Variants in NF1 observed in about 807,000 individuals in gnomAD.
NF1 encodes neurofibromin.
NF1 carries 122 observed loss-of-function variants against 325.7 expected under a neutral mutation model. That is an observed-to-expected ratio of 0.37 (90% CI 0.32 to 0.44). The LOEUF is 0.44. NF1 is among the 20% of genes least tolerant of loss of function. The probability of loss-of-function intolerance (pLI) is 1.00; values close to 1 mark genes in which losing one functional copy is unlikely to be tolerated. For synonymous variants in NF1, 1,091 were observed against 1,186.0 expected (o/e 0.92, Z 1.65); for missense variants, 2,140 against 3,415.4 (o/e 0.63, Z 9.31).
At chr17:31,318,645 C>G in intron 36 of NF1, 1 of 1,614,062 alleles carries the variant, frequency 6.2e-7, no homozygotes, top group Non-Finnish European at 8.5e-7. Flanking sequence ...CACAGACATC[C>G]TTTTTGAAAA....
chr17:31,314,917 C>A (rs7503922), intron 36 of NF1, among the ~76,000 whole-genome samples: 72,152 of 151,978 alleles, frequency 0.47, 19,879 homozygotes, highest in Non-Finnish European at 0.62. Flanking sequence ...TACATTCCCA[C>A]TAACAGCGTA....
intron 57 of NF1, among the ~76,000 whole-genome samples, chr17:31,370,424 CT>C (rs983662714): frequency 2.0e-5 from 3 of 151,868 alleles, no homozygotes; most frequent in Admixed American, 1.3e-4. Context: ...CTTCCAGTTT[CT>C]TTTTTTTATA....
rs1567864123 is a variant in NF1, at chr17:31,263,098, GGT to G, written c.4724+1242_4724+1243del. ...AGATAGGTAGGTAGGTAGGTAGGTA[GGT>G]AGGTAGGTAGATAGATAGATAGATA... On this transcript the variant is annotated intron_variant, in intron 35 of 57. Transcript: ENST00000358273. 5.4e-3 allele frequency among the ~76,000 whole-genome samples: 517 copies of G among 95,838 alleles called. 4 individuals carry two copies. Among genetic ancestry groups the G allele is most frequent in the African/African-American group, 0.019 (500 of 26,468 alleles). The allele number at this position is 95,838 out of a possible 152,430, so 62.9% of individuals were successfully genotyped here.
intron 36 of NF1, among the ~76,000 whole-genome samples, chr17:31,289,529 T>C (rs978874978): frequency 6.6e-6 from 1 of 152,234 alleles, no homozygotes; most frequent in African/African-American, 2.4e-5. Context: ...ACAGTGTTAG[T>C]TAGCATTTTG....
intron 36 of NF1, among the ~76,000 whole-genome samples, chr17:31,283,310 G>A (rs1428989451): frequency 4.6e-5 from 7 of 151,822 alleles, no homozygotes; most frequent in African/African-American, 9.7e-5. Context: ...CCAGCTACTC[G>A]GGAGGCTGAG....
intron 37 of NF1, among the ~76,000 whole-genome samples, chr17:31,326,823 T>C (rs921862086): frequency 1.3e-5 from 2 of 152,192 alleles, no homozygotes; most frequent in East Asian, 3.9e-4. Context: ...GTGTGGAGAG[T>C]AGAAATTACC....
At chr17:31,206,405 C>T (rs2066624118) in intron 12 of NF1, 34 bp downstream of exon 12, 3 of 1,612,498 alleles carry the variant, frequency 1.9e-6, no homozygotes, top group Non-Finnish European at 1.7e-6. Flanking sequence ...ATCTCACCTC[C>T]TTTCTATTGC....
rs1326607708 is a variant in NF1, at chr17:31,182,642, G to C, written c.865G>C (p.Val289Leu). ...EIIQDISKDV[V>L]DENNMNKKLF... ...AATCCAGGATATATCCAAAGACGTG[G>C]TTGATGAAAACAACATGAATAAGGT... The change falls in exon 8 of 58, where the codon GTT becomes CTT. Residue 289 changes from valine (V) to leucine (L), a missense_variant. Physicochemically the swap from Val to Leu is conservative, Grantham distance 32. This residue lies in a region of NF1 where 246 missense variants were observed against 347.8 expected (regional missense o/e 0.71). Transcript: ENST00000358273. The C allele has an allele frequency of 4.3e-6, 7 of 1,613,550 alleles. No individual in the cohort carries two copies. The highest frequency in any genetic ancestry group is 5.9e-6 in the Non-Finnish European group (7 of 1,179,850).
chr17:31,227,201 CT>C lies in NF1; in HGVS notation c.2252-16del, dbSNP rs1199960719. On this transcript the variant is annotated splice_polypyrimidine_tract_variant and intron_variant, in intron 18 of 57. Transcript: ENST00000358273. ...GCTCTAAGTGCAGTAACTTGATTTG[CT>C]GTTGTATTTGCTTAGGAAGAGCAGC... The C allele has an allele frequency of 5.0e-6, 8 of 1,613,066 alleles. No individual in the cohort carries two copies. The highest frequency in any genetic ancestry group is 6.8e-6 in the Non-Finnish European group (8 of 1,179,284).
chr17:31,133,141 C>T (rs1915514677), intron 1 of NF1: 1 of 152,178 alleles, frequency 6.6e-6, no homozygotes, highest in African/African-American at 2.4e-5. Flanking sequence ...CTAGAACTTC[C>T]CATTCCTCCA....
intron 12 of NF1, among the ~76,000 whole-genome samples, chr17:31,211,080 A>T (rs1417337749): frequency 6.6e-6 from 1 of 152,208 alleles, no homozygotes; most frequent in Non-Finnish European, 1.5e-5. Flanking sequence ...CATGCCTGTT[A>T]TTCAGTCACA....
At chr17:31,133,649 T>G (rs1915555816) in intron 1 of NF1, 1 of 152,238 alleles carries the variant, frequency 6.6e-6, no homozygotes, top group Non-Finnish European at 1.5e-5. Flanking sequence ...ACGTTTGTTA[T>G]TTTGTGTCTT....
intron 1 of NF1, among the ~76,000 whole-genome samples, chr17:31,107,579 G>GA (rs1246254623): frequency 6.6e-6 from 1 of 151,382 alleles, no homozygotes; most frequent in African/African-American, 2.4e-5. Context: ...TTCTGTCTCT[G>GA]AAAAAATAAA....
At chr17:31,151,302 G>C (rs1916926590) in intron 1 of NF1, among the ~76,000 whole-genome samples, 1 of 152,134 alleles carries the variant, frequency 6.6e-6, no homozygotes, top group African/African-American at 2.4e-5. Flanking sequence ...AGTACACTCT[G>C]TGATGTTCAC....
intron 1 of NF1, among the ~76,000 whole-genome samples, chr17:31,108,752 A>G (rs1913125007): frequency 6.6e-6 from 1 of 152,200 alleles, no homozygotes. Flanking sequence ...GTGTAATATA[A>G]AAACAACTCA....
In NF1 at chr17:31,095,023, G is replaced by T; in HGVS notation, c.-287G>T. On this transcript the variant is annotated 5_prime_UTR_variant, in exon 1 of 58. Coordinates refer to ENST00000358273, the MANE Select transcript of NF1 (RefSeq NM_001042492.3). ...CGGCGTCTCGGACTGTGATGGCTGT[G>T]GGGAGACGGCGCTAGTGGGGAGAGC... The T allele has an allele frequency of 1.7e-6, 1 of 581,522 alleles. No homozygotes were observed. Among genetic ancestry groups the T allele is most frequent in the Non-Finnish European group, 3.1e-6 (1 of 326,332 alleles). The allele number at this position is 581,522 out of a possible 1,614,324, so 36.0% of individuals were successfully genotyped here. A position where few individuals can be genotyped will look rare whatever the true frequency, so the allele number is the denominator to read the frequency against.
intron 1 of NF1, among the ~76,000 whole-genome samples, chr17:31,146,208 G>T (rs1469279594): frequency 6.6e-6 from 1 of 151,238 alleles, no homozygotes; most frequent in African/African-American, 2.5e-5. Context: ...TTCTCTTCCA[G>T]GCTCATTGGT....
At chr17:31,095,423 G>A (rs2143147580) in intron 1 of NF1, 54 bp downstream of exon 1, 1 of 1,501,760 alleles carries the variant, frequency 6.7e-7, no homozygotes, top group Non-Finnish European at 8.9e-7. Flanking sequence ...TGGGGACAGA[G>A]TAGGTGAGGG....
At chr17:31,282,008 T>G (rs2068127522) in intron 36 of NF1, among the ~76,000 whole-genome samples, 1 of 150,492 alleles carries the variant, frequency 6.6e-6, no homozygotes, top group South Asian at 2.1e-4. Context: ...TGCAGCAAGC[T>G]GAGATCAAGC....
Sources: gnomAD v4.1 joint callset for allele counts (sites outside exome capture counted in the v4.1 genomes callset) on GRCh38, gnomAD v4.1.1 for gene constraint, gnomAD v4.1.1 regional missense constraint, MANE v1.5 for transcripts, NCBI Gene and HGNC (gene_info 2026-07-23, HGNC 2026-07-21) for gene names.